The following LIPC variants were observed in gnomAD, a reference collection of about 807,000 sequenced individuals.
The protein encoded by LIPC is hepatic triacylglycerol lipase.
LIPC carries 44 observed loss-of-function variants against 50.7 expected under a neutral mutation model. The observed-to-expected ratio is 0.87, with a 90% CI of 0.68 to 1.11. LIPC has a LOEUF of 1.11. Among genes scored for constraint, LIPC ranks in the 50% most tolerant of loss-of-function variants. The probability of loss-of-function intolerance (pLI) is 0.00; values close to 1 mark genes in which losing one functional copy is unlikely to be tolerated. For missense variants in LIPC, 697 were observed against 648.2 expected (o/e 1.08, Z -0.82); for synonymous variants, 271 against 256.4 (o/e 1.06, Z -0.54).
At chr15:58,487,785 G>T (rs561061187) in intron 1 of LIPC, among the ~76,000 whole-genome samples, 3 of 152,190 alleles carry the variant, frequency 2.0e-5, no homozygotes, top group Non-Finnish European at 2.9e-5. Flanking sequence ...TTATTTTAAG[G>T]AAATTCAGCA....
At chr15:58,565,372 T>TTCA in intron 8 of LIPC, 1 of 1,510,814 alleles carries the variant, frequency 6.6e-7, no homozygotes, top group Non-Finnish European at 8.8e-7. Context: ...TGGCTTGACC[T>TTCA]GAAAGGGTGG....
intron 1 of LIPC, among the ~76,000 whole-genome samples, chr15:58,456,838 G>T (rs1894137606): frequency 6.6e-6 from 1 of 152,234 alleles, no homozygotes; most frequent in Non-Finnish European, 1.5e-5. Context: ...ATGTACATAT[G>T]TTTAAGTATA....
intron 1 of LIPC, among the ~76,000 whole-genome samples, chr15:58,449,694 C>T (rs1487271811): frequency 5.9e-5 from 9 of 152,204 alleles, no homozygotes; most frequent in South Asian, 2.1e-4. Flanking sequence ...CTTGCGCCAC[C>T]GCACCCTGCT....
rs1893512260 is a variant in LIPC, at chr15:58,545,912, T to G, written c.745T>G (p.Ser249Ala). Residue 249 changes from serine to alanine, a missense_variant, in exon 5 of 9, where the codon TCC becomes GCC. Transcript: ENST00000299022. ...GHYDFYPNGG[S>A]FQPGCHFLEL... ...CTATGACTTCTATCCCAACGGGGGC[T>G]CCTTCCAGCCTGGCTGCCACTTCCT... 3 of 1,614,168 alleles carry G rather than the reference T, an allele frequency of 1.9e-6. No individual in the cohort carries two copies. In the South Asian group the frequency reaches 3.3e-5, roughly 18 times the overall value.
chr15:58,440,897 G>A (rs2140641849), intron 1 of LIPC, among the ~76,000 whole-genome samples: 1 of 152,250 alleles, frequency 6.6e-6, no homozygotes, highest in South Asian at 2.1e-4. Context: ...GAGATTTTGG[G>A]GTGGCCCTGG....
intron 1 of LIPC, among the ~76,000 whole-genome samples, chr15:58,536,233 T>C (rs1268954730): frequency 1.3e-5 from 2 of 151,404 alleles, no homozygotes; most frequent in African/African-American, 4.9e-5. Flanking sequence ...GAGCAGGAGG[T>C]GAGGTGCAAA....
intron 1 of LIPC, among the ~76,000 whole-genome samples, chr15:58,530,947 T>C (rs984258667): frequency 6.6e-6 from 1 of 152,246 alleles, no homozygotes. Flanking sequence ...TTTGGGGTTA[T>C]TATGAATAAA....
At chr15:58,533,165 G>A in intron 1 of LIPC, 1 of 985,310 alleles carries the variant, frequency 1.0e-6, no homozygotes, top group Non-Finnish European at 1.2e-6. Context: ...CTGAAGACAT[G>A]AGAAAAGCTC....
chr15:58,523,566 G>A (rs2140879269), intron 1 of LIPC, among the ~76,000 whole-genome samples: 1 of 151,938 alleles, frequency 6.6e-6, no homozygotes, highest in Non-Finnish European at 1.5e-5. Flanking sequence ...AGCATCCAGA[G>A]AAATAGTTAT....
At chr15:58,561,025 T>C in intron 7 of LIPC, 44 bp downstream of exon 7, 1 of 919,650 alleles carries the variant, frequency 1.1e-6, no homozygotes, top group East Asian at 2.4e-5. Flanking sequence ...CACACTTATT[T>C]TTCTTGCAGA....
chr15:58,558,262 G>A (rs895577349), intron 6 of LIPC, among the ~76,000 whole-genome samples: 3 of 108,422 alleles, frequency 2.8e-5, no homozygotes, highest in South Asian at 4.6e-4. Context: ...TAGTAGAGAC[G>A]GGGTTTCACC....
At chr15:58,555,361 G>A (rs1422799717) in intron 6 of LIPC, among the ~76,000 whole-genome samples, 1 of 152,210 alleles carries the variant, frequency 6.6e-6, no homozygotes, top group African/African-American at 2.4e-5. Context: ...GTCAGAGCTG[G>A]CAGGCAGTTT....
chr15:58,468,710 G>A (rs376421199), intron 1 of LIPC, among the ~76,000 whole-genome samples: 2 of 152,250 alleles, frequency 1.3e-5, no homozygotes, highest in Non-Finnish European at 2.9e-5. Context: ...ATAACAGAAA[G>A]GCCCACCCCA....
Position 58,489,221 on chromosome 15 carries a change from G to GGGGT in LIPC, c.89-49111_89-49110insGGTG, listed in dbSNP as rs1555400847. On this transcript the variant is annotated intron_variant, in intron 1 of 8. Transcript: ENST00000299022. Reference sequence around the variant, plus strand: ...CATTAGGGATTCATTTTGTTGCGGGGGCGGGGGGGCGGCTTACAAGCTTCC... The same window carrying GGGGT: ...CATTAGGGATTCATTTTGTTGCGGGGGGGTGCGGGGGGGCGGCTTACAAGCTTCC... Among the ~76,000 whole-genome samples the GGGGT allele has an allele frequency of 2.0e-5, 2 of 100,506 alleles. 1 individual carries two copies. The highest frequency in any genetic ancestry group is 8.3e-5 in the African/African-American group (2 of 24,102). 65.9% of individuals were successfully genotyped at this position (100,506 alleles called of 152,430 possible). A position where few individuals can be genotyped will look rare whatever the true frequency, so the allele number is the denominator to read the frequency against.
At chr15:58,434,088 AG>A (rs1333125686) in intron 1 of LIPC, among the ~76,000 whole-genome samples, 1 of 152,174 alleles carries the variant, frequency 6.6e-6, no homozygotes, top group Non-Finnish European at 1.5e-5. Flanking sequence ...TTGGTTGTTA[AG>A]ACCAGGGAGA....
At position 58,538,376 on chromosome 15, in the gene LIPC, G is replaced by A. The variant is rs755990193; in HGVS notation, c.132G>A (p.Thr44=). The change falls in exon 2 of 9, where the codon ACG becomes ACA. Residue 44 remains threonine (T), a synonymous_variant. Coordinates refer to ENST00000299022, the MANE Select transcript of LIPC (RefSeq NM_000236.3). ...CTCAAGCTGTTGAAACAAACAAAACGCTGCATGAGATGAAGACCAGATTCC... is the reference window on the plus strand; with the variant it reads ...CTCAAGCTGTTGAAACAAACAAAACACTGCATGAGATGAAGACCAGATTCC... ...RRAQAVETNK[T]LHEMKTRFLL... The A allele has an allele frequency of 1.4e-5, 22 of 1,614,172 alleles. No individual in the cohort carries two copies. The highest frequency in any genetic ancestry group is 6.7e-5 in the East Asian group (3 of 44,886).
intron 1 of LIPC, among the ~76,000 whole-genome samples, chr15:58,438,547 G>C (rs1011638242): frequency 6.6e-6 from 1 of 152,212 alleles, no homozygotes; most frequent in Non-Finnish European, 1.5e-5. Flanking sequence ...GTGATAACTA[G>C]AACAAGGGGG....
chr15:58,494,754 T>C (rs1891708696), intron 1 of LIPC: 1 of 456,156 alleles, frequency 2.2e-6, no homozygotes. Context: ...TTAAAACTGA[T>C]TTATAGTTAG....
At chr15:58,455,939 C>G (rs1404976251) in intron 1 of LIPC, among the ~76,000 whole-genome samples, 1 of 152,014 alleles carries the variant, frequency 6.6e-6, no homozygotes, top group African/African-American at 2.4e-5. Flanking sequence ...CAGCCCAGAG[C>G]AGCACTTGTT....
Sources: gnomAD v4.1 joint callset for allele counts (sites outside exome capture counted in the v4.1 genomes callset) on GRCh38, gnomAD v4.1.1 for gene constraint, MANE v1.5 for transcripts, NCBI Gene and HGNC (gene_info 2026-07-23, HGNC 2026-07-21) for gene names.